The following SLC24A3 variants were observed in gnomAD, a reference collection of about 807,000 sequenced individuals.
SLC24A3 encodes solute carrier family 24 member 3, also known as sodium/potassium/calcium exchanger 3.
A neutral mutation model predicts 75.8 loss-of-function variants in SLC24A3; 28 were observed. That is an observed-to-expected ratio of 0.37 (90% CI 0.27 to 0.51). SLC24A3 has a LOEUF of 0.51. SLC24A3 is among the 20% of genes least tolerant of loss of function. The pLI, the probability that SLC24A3 is intolerant of heterozygous loss-of-function variation, is 0.94. For missense variants in SLC24A3, 663 were observed against 847.8 expected, an observed-to-expected ratio of 0.78 and a Z score of 2.71; for synonymous variants, 372 against 334.1, an observed-to-expected ratio of 1.11 and a Z score of -1.24.
chr20:19,323,205 C>CAAAAAAAAAAA (rs1172583632), intron 2 of SLC24A3, among the ~76,000 whole-genome samples: 2 of 61,130 alleles, frequency 3.3e-5, no homozygotes, highest in Non-Finnish European at 3.5e-5. Flanking sequence ...GACTCCGTCT[C>CAAAAAAAAAAA]AAAAAAAAAA....
At chr20:19,276,706 A>G (rs1983498047) in intron 1 of SLC24A3, among the ~76,000 whole-genome samples, 7 of 151,962 alleles carry the variant, frequency 4.6e-5, no homozygotes, top group Admixed American at 4.6e-4. Context: ...GGAGTTTGAG[A>G]CCAGCCTGGG....
chr20:19,230,863 T>C lies in SLC24A3; in HGVS notation c.142+17879T>C, dbSNP rs767700042. Among the ~76,000 whole-genome samples the C allele has an allele frequency of 6.1e-4, 93 of 152,284 alleles. 2 individuals carry two copies. Among genetic ancestry groups the C allele is most frequent in the South Asian group, 1.5e-3 (7 of 4,818 alleles). ...GTGGGAATGACCCATTGAAGGGTCA[T>C]TGGGTCCTAATGCTAGGCTAATGAC... On this transcript the variant is annotated intron_variant, in intron 1 of 16. Transcript: ENST00000328041.
At chr20:19,267,221 C>T in intron 1 of SLC24A3, among the ~76,000 whole-genome samples, 1 of 152,118 alleles carries the variant, frequency 6.6e-6, no homozygotes, top group East Asian at 1.9e-4. Flanking sequence ...CTTTGAGATA[C>T]AGCTAACAGA....
chr20:19,281,435 C>T (rs1333411886), intron 2 of SLC24A3, among the ~76,000 whole-genome samples: 1 of 152,162 alleles, frequency 6.6e-6, no homozygotes, highest in Admixed American at 6.6e-5. Flanking sequence ...TGCTTTGGTC[C>T]TCTTTGGCTG....
At chr20:19,567,608 T>C (rs954999959) in intron 3 of SLC24A3, among the ~76,000 whole-genome samples, 3 of 152,160 alleles carry the variant, frequency 2.0e-5, no homozygotes, top group Non-Finnish European at 2.9e-5. Flanking sequence ...TCCCACAACA[T>C]TCAGTTTACC....
rs73283596 is a variant in SLC24A3, at chr20:19,648,522, A to G, written c.613-5540A>G. On this transcript the variant is annotated intron_variant, in intron 6 of 16. Coordinates refer to ENST00000328041, the MANE Select transcript of SLC24A3 (RefSeq NM_020689.4). ...CCTTTTTAAATGTGCCGGTAATGTCAGGTTATATTGTTCATCAAGAAAAGT... is the reference window on the plus strand; with the variant it reads ...CCTTTTTAAATGTGCCGGTAATGTCGGGTTATATTGTTCATCAAGAAAAGT... 6.6e-3 allele frequency among the ~76,000 whole-genome samples: 1,007 copies of G among 152,026 alleles called. 13 individuals are homozygous for G. The highest frequency in any genetic ancestry group is 0.023 in the African/African-American group (959 of 41,454).
intron 2 of SLC24A3, among the ~76,000 whole-genome samples, chr20:19,326,404 T>A (rs897531068): frequency 6.6e-6 from 1 of 152,014 alleles, no homozygotes; most frequent in Non-Finnish European, 1.5e-5. Flanking sequence ...CTGACTACTC[T>A]CTTCTTTCAC....
At chr20:19,218,739 A>G (rs1981630430) in intron 1 of SLC24A3, among the ~76,000 whole-genome samples, 1 of 151,874 alleles carries the variant, frequency 6.6e-6, no homozygotes. Flanking sequence ...AAGCTAAAAG[A>G]ATTGCAAAAC....
At chr20:19,461,438 CA>C (rs969477758) in intron 2 of SLC24A3, among the ~76,000 whole-genome samples, 2 of 149,226 alleles carry the variant, frequency 1.3e-5, no homozygotes, top group Non-Finnish European at 3.0e-5. Context: ...TATGTTCACA[CA>C]TATTATGTAT....
Position 19,721,182 on chromosome 20 carries a change from G to A in SLC24A3, c.*42G>A, listed in dbSNP as rs1332435532. ...AGAGGCTCAGCTCCTTCTTTTCTGTGCAATACGAGACCCGGCCGCACCCCG... is the reference window on the plus strand; with the variant it reads ...AGAGGCTCAGCTCCTTCTTTTCTGTACAATACGAGACCCGGCCGCACCCCG... On this transcript the variant is annotated 3_prime_UTR_variant, in exon 17 of 17. Transcript: ENST00000328041. The A allele has an allele frequency of 6.2e-7, 1 of 1,610,054 alleles. No individual in the cohort carries two copies. The highest frequency in any genetic ancestry group is 1.3e-5 in the African/African-American group (1 of 74,854).
At chr20:19,348,055 C>T (rs771322966) in intron 2 of SLC24A3, among the ~76,000 whole-genome samples, 7 of 152,210 alleles carry the variant, frequency 4.6e-5, no homozygotes, top group Admixed American at 1.3e-4. Flanking sequence ...TGATCTGTGG[C>T]TGGGCTGCCA....
intron 1 of SLC24A3, among the ~76,000 whole-genome samples, chr20:19,247,130 C>G (rs1026397660): frequency 2.6e-5 from 4 of 152,082 alleles, no homozygotes; most frequent in Non-Finnish European, 5.9e-5. Flanking sequence ...GAGTTAGAAA[C>G]AAAATCAGTT....
At chr20:19,404,924 A>T (rs982518243) in intron 2 of SLC24A3, among the ~76,000 whole-genome samples, 2 of 151,974 alleles carry the variant, frequency 1.3e-5, no homozygotes, top group African/African-American at 4.8e-5. Context: ...CTCTATTTTT[A>T]AAAGGCCAGT....
chr20:19,338,528 C>T (rs1568593596), intron 2 of SLC24A3, among the ~76,000 whole-genome samples: 1 of 152,170 alleles, frequency 6.6e-6, no homozygotes, highest in South Asian at 2.1e-4. Flanking sequence ...TTGTCTTGGC[C>T]TCTGGGATCA....
chr20:19,644,665 T>G (rs1310252648), intron 6 of SLC24A3, among the ~76,000 whole-genome samples: 1 of 152,234 alleles, frequency 6.6e-6, no homozygotes, highest in Non-Finnish European at 1.5e-5. Context: ...AATAGCACTC[T>G]TAATCAAAAT....
At chr20:19,482,027 TC>T (rs1988063377) in intron 2 of SLC24A3, among the ~76,000 whole-genome samples, 1 of 152,154 alleles carries the variant, frequency 6.6e-6, no homozygotes. Context: ...AAGCACTTCT[TC>T]CTCTCACCTG....
intron 3 of SLC24A3, among the ~76,000 whole-genome samples, chr20:19,563,888 G>A (rs2122613829): frequency 6.6e-6 from 1 of 152,330 alleles, no homozygotes; most frequent in South Asian, 2.1e-4. Context: ...CCCTCGGAAA[G>A]GCTCAGGTTA....
intron 6 of SLC24A3, among the ~76,000 whole-genome samples, chr20:19,586,646 A>T (rs1397680454): frequency 6.6e-6 from 1 of 152,092 alleles, no homozygotes; most frequent in African/African-American, 2.4e-5. Flanking sequence ...CCACCATTGC[A>T]TTCTCCACTG....
intron 2 of SLC24A3, among the ~76,000 whole-genome samples, chr20:19,347,440 G>A (rs1172921539): frequency 6.7e-6 from 1 of 150,016 alleles, no homozygotes; most frequent in Non-Finnish European, 1.5e-5. Context: ...ACCAATGCAA[G>A]ATGTTAGTAA....
Sources: allele counts gnomAD v4.1 joint callset (sites outside exome capture counted in the v4.1 genomes callset), GRCh38; gene constraint gnomAD v4.1.1; transcripts MANE v1.5; gene names NCBI Gene and HGNC (gene_info 2026-07-23, HGNC 2026-07-21).